Variants in FHOD3 observed in about 807,000 individuals in gnomAD.
FHOD3 encodes the protein formin homology 2 domain containing 3, also known as FH1/FH2 domain-containing protein 3.
Under a neutral mutation model 173.0 loss-of-function variants are expected in FHOD3, and 90 were observed. That is an observed-to-expected ratio of 0.52 (90% confidence interval 0.44 to 0.62). The LOEUF is 0.62. FHOD3 is among the 20% of genes least tolerant of loss of function. The pLI is 0.00. For synonymous variants in FHOD3, 828 were observed against 823.0 expected (o/e 1.01, Z -0.10); for missense variants, 1,945 against 2,034.7 (o/e 0.96, Z 0.85).
intron 5 of FHOD3, among the ~76,000 whole-genome samples, chr18:36,521,051 A>C (rs969531037): frequency 1.8e-4 from 27 of 152,216 alleles, no homozygotes; most frequent in Non-Finnish European, 1.6e-4. Flanking sequence ...ATAGAAGAAA[A>C]TGTCAACAGC....
intron 3 of FHOD3, among the ~76,000 whole-genome samples, chr18:36,423,947 A>T (rs1050639985): frequency 6.6e-6 from 1 of 152,156 alleles, no homozygotes; most frequent in Non-Finnish European, 1.5e-5. Context: ...ATATTAGGGG[A>T]CAATTTGAGC....
intron 10 of FHOD3, among the ~76,000 whole-genome samples, chr18:36,639,639 G>T (rs930025282): frequency 5.4e-5 from 8 of 148,512 alleles, no homozygotes; most frequent in Admixed American, 6.7e-5. Context: ...CTCCAGCCTG[G>T]GCGACAGAGC....
intron 10 of FHOD3, among the ~76,000 whole-genome samples, chr18:36,627,165 CAAAG>C (rs775393993): frequency 2.2e-4 from 33 of 152,242 alleles, no homozygotes; most frequent in Admixed American, 1.4e-3. Context: ...AGCCAATTCT[CAAAG>C]AAAAAGCCCT....
In FHOD3 at chr18:36,502,002, A is replaced by G. The variant is rs1300167644; in HGVS notation, c.405+3A>G. On this transcript the variant is annotated splice_donor_region_variant and intron_variant, in intron 4 of 28. Coordinates refer to ENST00000590592, the MANE Select transcript of FHOD3 (RefSeq NM_001281740.3). Reference sequence around the variant, plus strand: ...TCTCCCTGAAGCAGATATTTCAGGTAAATAGGAAAAAAATAAGTACTTACC... The same window carrying G: ...TCTCCCTGAAGCAGATATTTCAGGTGAATAGGAAAAAAATAAGTACTTACC... The G allele has an allele frequency of 3.8e-6, 6 of 1,594,900 alleles. No individual in the cohort carries two copies. In the South Asian group the frequency reaches 6.8e-5, roughly 18 times the overall value.
intron 5 of FHOD3, among the ~76,000 whole-genome samples, chr18:36,535,357 CA>C (rs1472296538): frequency 6.6e-6 from 1 of 152,192 alleles, no homozygotes; most frequent in Non-Finnish European, 1.5e-5. Context: ...AAGGGCTGGG[CA>C]AAGCTTCCAT....
intron 5 of FHOD3, among the ~76,000 whole-genome samples, chr18:36,543,464 G>C (rs2057301588): frequency 6.6e-6 from 1 of 152,172 alleles, no homozygotes; most frequent in Non-Finnish European, 1.5e-5. Flanking sequence ...ACCATACGCT[G>C]TCATATATGT....
chr18:36,585,714 G>C (rs1023609403), intron 6 of FHOD3, among the ~76,000 whole-genome samples: 13 of 152,300 alleles, frequency 8.5e-5, no homozygotes, highest in African/African-American at 3.1e-4. Context: ...TTATTTTTGT[G>C]AACGCAAGAA....
intron 1 of FHOD3, among the ~76,000 whole-genome samples, chr18:36,340,512 A>C (rs2045556175): frequency 6.6e-6 from 1 of 151,026 alleles, no homozygotes; most frequent in East Asian, 1.9e-4. Context: ...TTGACCTCTC[A>C]TCACATTTTC....
At chr18:36,373,058 C>T (rs1011155530) in intron 3 of FHOD3, among the ~76,000 whole-genome samples, 3 of 152,152 alleles carry the variant, frequency 2.0e-5, no homozygotes, top group African/African-American at 2.4e-5. Context: ...CTGATCTTCA[C>T]GTGCCTCCTG....
intron 1 of FHOD3, among the ~76,000 whole-genome samples, chr18:36,309,521 A>G (rs1452336843): frequency 3.9e-5 from 6 of 152,170 alleles, no homozygotes; most frequent in African/African-American, 7.2e-5. Context: ...ACTCATTCCC[A>G]TATCAGATCA....
At chr18:36,644,312 C>A (rs1351988505) in intron 10 of FHOD3, among the ~76,000 whole-genome samples, 1 of 152,166 alleles carries the variant, frequency 6.6e-6, no homozygotes, top group Non-Finnish European at 1.5e-5. Flanking sequence ...TGAGAAAAAG[C>A]AAAGTTGTCA....
chr18:36,372,654 C>T (rs1379532247), intron 2 of FHOD3, 26 bp from the exon 3 acceptor site: 5 of 1,611,080 alleles, frequency 3.1e-6, no homozygotes, highest in African/African-American at 1.3e-5. Context: ...CCTCTGATGC[C>T]CCTGTTTTGT....
chr18:36,714,044 G>A (rs973180202), intron 18 of FHOD3, among the ~76,000 whole-genome samples: 2 of 151,930 alleles, frequency 1.3e-5, no homozygotes, highest in Non-Finnish European at 2.9e-5. Context: ...TGTAGGACTA[G>A]GTACGAAAGG....
At chr18:36,321,675 G>T (rs1423279590) in intron 1 of FHOD3, among the ~76,000 whole-genome samples, 2 of 152,210 alleles carry the variant, frequency 1.3e-5, no homozygotes, top group Non-Finnish European at 2.9e-5. Flanking sequence ...TCCTTTGGGG[G>T]ACTTGCAGGT....
rs759564324 is a variant in FHOD3, at chr18:36,356,629, T to A, written c.272+984T>A. On this transcript the variant is annotated intron_variant, in intron 2 of 28. Transcript: ENST00000590592. ...CATGTGCCACTGTGCCCAGCTAATTTTATATATATATATATGTTATTTTTG... is the reference window on the plus strand; with the variant it reads ...CATGTGCCACTGTGCCCAGCTAATTATATATATATATATATGTTATTTTTG... 2.3e-3 allele frequency among the ~76,000 whole-genome samples: 339 copies of A among 150,566 alleles called. 6 individuals carry two copies. Among genetic ancestry groups the A allele is most frequent in the Non-Finnish European group, 1.4e-3 (92 of 67,644 alleles).
intron 1 of FHOD3, among the ~76,000 whole-genome samples, chr18:36,337,878 C>T (rs930526671): frequency 2.6e-5 from 4 of 152,086 alleles, no homozygotes; most frequent in African/African-American, 7.2e-5. Flanking sequence ...TCTGTTTGTT[C>T]TGGAGACAGA....
intron 20 of FHOD3, among the ~76,000 whole-genome samples, chr18:36,740,244 T>G (rs2150036140): frequency 6.6e-6 from 1 of 152,360 alleles, no homozygotes; most frequent in Admixed American, 6.5e-5. Flanking sequence ...AGTTTTGAAA[T>G]ACAGTTAAAA....
chr18:36,405,186 T>C (rs931715541), intron 3 of FHOD3, among the ~76,000 whole-genome samples: 1 of 152,248 alleles, frequency 6.6e-6, no homozygotes, highest in Non-Finnish European at 1.5e-5. Flanking sequence ...AGTTCAGGGT[T>C]AAATCCCTGT....
intron 3 of FHOD3, among the ~76,000 whole-genome samples, chr18:36,397,564 T>G (rs2048612336): frequency 6.6e-6 from 1 of 152,222 alleles, no homozygotes; most frequent in Non-Finnish European, 1.5e-5. Flanking sequence ...CATTATTTGT[T>G]ATATTTTAAT....
Sources: gnomAD v4.1 joint callset for allele counts (sites outside exome capture counted in the v4.1 genomes callset) on GRCh38, gnomAD v4.1.1 for gene constraint, MANE v1.5 for transcripts, NCBI Gene and HGNC (gene_info 2026-07-23, HGNC 2026-07-21) for gene names.